ADORA2B: variants seen among roughly 807,000 people sequenced by gnomAD.
The protein encoded by ADORA2B is adenosine receptor A2b.
ADORA2B carries 18 observed loss-of-function variants against 20.8 expected under a neutral mutation model. The observed-to-expected ratio is 0.87, with a 90% CI of 0.60 to 1.29. The LOEUF (loss-of-function observed/expected upper bound fraction) is 1.29, where lower values mean the gene tolerates loss of function less well. Among genes scored for constraint, ADORA2B ranks in the 50% most tolerant of loss-of-function variants. ADORA2B has a pLI of 0.00. For missense variants in ADORA2B, 441 were observed against 422.7 expected, an observed-to-expected ratio of 1.04 and a Z score of -0.38; for synonymous variants, 179 against 178.3, an observed-to-expected ratio of 1.00 and a Z score of -0.03.
the ADORA2B span, among the ~76,000 whole-genome samples, chr17:15,914,810 A>G: frequency 6.6e-6 from 1 of 152,214 alleles, no homozygotes; most frequent in Non-Finnish European, 1.5e-5. Context: ...GATGTTCCAG[A>G]TGGTAGCTTG....
At chr17:15,927,208 G>T in the ADORA2B span, among the ~76,000 whole-genome samples, 35 of 152,276 alleles carry the variant, frequency 2.3e-4, no homozygotes, top group African/African-American at 7.9e-4. Context: ...ATTAGGCTGG[G>T]TGCGGTGGCT....
intron 1 of ADORA2B, among the ~76,000 whole-genome samples, chr17:15,962,934 G>C (rs1329117977): frequency 6.6e-6 from 1 of 152,156 alleles, no homozygotes; most frequent in Non-Finnish European, 1.5e-5. Flanking sequence ...GCATAGAAAG[G>C]TATTCCAGGC....
At chr17:15,859,099 G>T in the ADORA2B span, among the ~76,000 whole-genome samples, 2 of 152,228 alleles carry the variant, frequency 1.3e-5, no homozygotes, top group African/African-American at 4.8e-5. Flanking sequence ...ACTGAGATGT[G>T]AACTACCAAG....
intron 1 of ADORA2B, among the ~76,000 whole-genome samples, chr17:15,960,637 G>A (rs1370913750): frequency 1.3e-5 from 2 of 149,908 alleles, no homozygotes; most frequent in African/African-American, 2.5e-5. Flanking sequence ...TTTGGGAGGC[G>A]AAGGCAGGCA....
the ADORA2B span, among the ~76,000 whole-genome samples, chr17:15,857,394 G>A: frequency 6.6e-6 from 1 of 152,204 alleles, no homozygotes; most frequent in Non-Finnish European, 1.5e-5. Flanking sequence ...ACCCCCCTGG[G>A]GCACTGCCTA....
the ADORA2B span, among the ~76,000 whole-genome samples, chr17:15,854,019 G>A: frequency 2.6e-5 from 4 of 152,154 alleles, no homozygotes; most frequent in African/African-American, 4.8e-5. Flanking sequence ...GCAATGGCAC[G>A]ATCCTGGCTC....
At chr17:15,866,920 G>A in the ADORA2B span, among the ~76,000 whole-genome samples, 1 of 152,192 alleles carries the variant, frequency 6.6e-6, no homozygotes, top group Admixed American at 6.5e-5. Context: ...GAGTGCCTGC[G>A]ATTGCAGGCG....
chr17:15,920,221 C>T, the ADORA2B span, among the ~76,000 whole-genome samples: 5 of 151,960 alleles, frequency 3.3e-5, no homozygotes, highest in South Asian at 4.2e-4. Context: ...CAGAAGGGTG[C>T]GAAGGCGGAA....
the ADORA2B span, among the ~76,000 whole-genome samples, chr17:15,934,862 A>G: frequency 6.6e-6 from 1 of 152,144 alleles, no homozygotes; most frequent in East Asian, 1.9e-4. Flanking sequence ...AGTGGAGTGC[A>G]GTGGTGCAGT....
At chr17:15,877,819 A>C in the ADORA2B span, among the ~76,000 whole-genome samples, 2 of 151,812 alleles carry the variant, frequency 1.3e-5, no homozygotes, top group African/African-American at 4.8e-5. Context: ...TCTTGCCACA[A>C]ATTTCCTGAG....
the ADORA2B span, among the ~76,000 whole-genome samples, chr17:15,878,212 C>CACACAT: frequency 7.2e-6 from 1 of 139,750 alleles, no homozygotes; most frequent in East Asian, 2.1e-4. Context: ...CACACACACA[C>CACACAT]ACATTATATA....
chr17:15,925,549 G>A, the ADORA2B span, among the ~76,000 whole-genome samples: 1 of 152,178 alleles, frequency 6.6e-6, no homozygotes, highest in East Asian at 1.9e-4. Context: ...TTGTTAGGTT[G>A]CATGAGAGGT....
chr17:15,908,680 C>A, the ADORA2B span: 1 of 157,694 alleles, frequency 6.3e-6, no homozygotes, highest in South Asian at 1.8e-4. Flanking sequence ...TGCAATTTGT[C>A]CTGGAAGCAC....
At chr17:15,968,687 G>A (rs745432773) in intron 1 of ADORA2B, among the ~76,000 whole-genome samples, 1 of 152,214 alleles carries the variant, frequency 6.6e-6, no homozygotes, top group Non-Finnish European at 1.5e-5. Flanking sequence ...GATGAGGTCT[G>A]TGTCCTGACT....
chr17:15,914,058 C>T, the ADORA2B span, among the ~76,000 whole-genome samples: 4 of 152,152 alleles, frequency 2.6e-5, no homozygotes, highest in Admixed American at 6.5e-5. Flanking sequence ...GGCACCTAGG[C>T]GGGCTGCCCC....
At chr17:15,881,072 C>T in the ADORA2B span, among the ~76,000 whole-genome samples, 1 of 152,012 alleles carries the variant, frequency 6.6e-6, no homozygotes, top group Non-Finnish European at 1.5e-5. Context: ...GTCCCTTTAG[C>T]CTTGTTGTTC....
chr17:15,864,336 T>C, the ADORA2B span, among the ~76,000 whole-genome samples: 8 of 152,372 alleles, frequency 5.3e-5, no homozygotes, highest in South Asian at 1.2e-3. Flanking sequence ...ACCAAACATA[T>C]GGGTGTATGC....
At chr17:15,973,915 G>A (rs1045495108) in intron 1 of ADORA2B, 3 of 152,168 alleles carry the variant, frequency 2.0e-5, no homozygotes, top group Admixed American at 1.3e-4. Flanking sequence ...GAAAAACTTC[G>A]GCTGAATTCA....
intron 1 of ADORA2B, among the ~76,000 whole-genome samples, chr17:15,971,292 G>T (rs1970185869): frequency 6.6e-6 from 1 of 152,240 alleles, no homozygotes; most frequent in African/African-American, 2.4e-5. Flanking sequence ...TGAGGCAATG[G>T]CAGAGAACAA....
Sources: allele counts gnomAD v4.1 joint callset (sites outside exome capture counted in the v4.1 genomes callset), GRCh38; gene constraint gnomAD v4.1.1; transcripts MANE v1.5; gene names NCBI Gene and HGNC (gene_info 2026-07-23, HGNC 2026-07-21).